The following HLF variants were observed in gnomAD, a reference collection of about 807,000 sequenced individuals.
The protein encoded by HLF is HLF transcription factor, PAR bZIP family member, also known as hepatic leukemia factor.
A neutral mutation model predicts 22.6 loss-of-function variants in HLF; 3 were observed. The ratio of observed to expected loss-of-function variants is 0.13; its 90% CI spans 0.06 to 0.34. The LOEUF (loss-of-function observed/expected upper bound fraction) is 0.34. HLF is among the 10% of genes least tolerant of loss of function. HLF has a pLI of 1.00. For missense variants in HLF, 299 were observed against 389.2 expected (o/e 0.77, Z 1.95); for synonymous variants, 151 against 151.8 (o/e 0.99, Z 0.04).
chr17:55,314,190 C>G (rs1904970593), intron 2 of HLF, among the ~76,000 whole-genome samples: 1 of 152,172 alleles, frequency 6.6e-6, no homozygotes, highest in African/African-American at 2.4e-5. Flanking sequence ...AGTTCACTTT[C>G]ACCAGTAAGA....
chr17:55,308,453 A>G (rs9891482), intron 2 of HLF, among the ~76,000 whole-genome samples: 15,048 of 152,194 alleles, frequency 0.099, 1,741 homozygotes, highest in African/African-American at 0.28. Context: ...ATCTCCTTTT[A>G]CACATAAGGG....
At chr17:55,295,138 G>T (rs2081100757) in intron 2 of HLF, among the ~76,000 whole-genome samples, 1 of 152,172 alleles carries the variant, frequency 6.6e-6, no homozygotes, top group Non-Finnish European at 1.5e-5. Flanking sequence ...GATAGCATCA[G>T]GTTGTATATG....
intron 2 of HLF, among the ~76,000 whole-genome samples, chr17:55,274,202 C>T (rs1451288102): frequency 6.6e-6 from 1 of 152,144 alleles, no homozygotes; most frequent in Non-Finnish European, 1.5e-5. Context: ...TTAGGTTTCT[C>T]AGAAACCTCT....
chr17:55,277,723 G>T (rs1018967260), intron 2 of HLF, among the ~76,000 whole-genome samples: 2 of 152,170 alleles, frequency 1.3e-5, no homozygotes, highest in Admixed American at 1.3e-4. Flanking sequence ...TCAGAAGGCT[G>T]AAAGAGTTGC....
intron 3 of HLF, among the ~76,000 whole-genome samples, chr17:55,315,758 C>G (rs1295877129): frequency 6.6e-6 from 1 of 152,190 alleles, no homozygotes; most frequent in East Asian, 1.9e-4. Flanking sequence ...TAAAATTAAA[C>G]CCCACATCTT....
chr17:55,290,284 A>G lies in HLF; in HGVS notation c.451+22198A>G, dbSNP rs564287061. The stretch of plus-strand genomic sequence containing the variant: ...GTACTTCGTTTTATCGGACTTCACC[A>G]TATTACACTTTGCCGATAGTGTGTT... On this transcript the variant is annotated intron_variant, in intron 2 of 3. Coordinates refer to ENST00000226067, the MANE Select transcript of HLF (RefSeq NM_002126.5). Among the ~76,000 whole-genome samples, 16 of 152,302 alleles carry G rather than the reference A, an allele frequency of 1.1e-4. No individual in the cohort carries two copies. In the South Asian group the frequency reaches 3.1e-3, roughly 30 times the overall value.
rs1407179950 is a variant in HLF, at chr17:55,323,013, G to A, written c.*2134G>A. ...GATTTTCTAGTTTCCTGCCTTCAGA[G>A]TATCTAATCCTTTAATGATCTGGTG... On this transcript the variant is annotated 3_prime_UTR_variant, in exon 4 of 4. Transcript: ENST00000226067. The A allele has an allele frequency of 4.5e-6, 1 of 221,352 alleles. No individual in the cohort carries two copies. Among genetic ancestry groups the A allele is most frequent in the Non-Finnish European group, 9.0e-6 (1 of 110,678 alleles). 13.7% of individuals were successfully genotyped at this position (221,352 alleles called of 1,614,324 possible).
chr17:55,280,491 A>G (rs2080943488), intron 2 of HLF, among the ~76,000 whole-genome samples: 1 of 152,150 alleles, frequency 6.6e-6, no homozygotes, highest in Admixed American at 6.5e-5. Context: ...TTCTGGTGCT[A>G]TGCCTGGAAG....
At chr17:55,305,435 T>C (rs1171242509) in intron 2 of HLF, among the ~76,000 whole-genome samples, 1 of 152,160 alleles carries the variant, frequency 6.6e-6, no homozygotes, top group Non-Finnish European at 1.5e-5. Flanking sequence ...TACCTACCTC[T>C]CTGGGGTTTG....
chr17:55,286,321 G>A (rs991992233), intron 2 of HLF, among the ~76,000 whole-genome samples: 1 of 150,868 alleles, frequency 6.6e-6, no homozygotes, highest in African/African-American at 2.4e-5. Flanking sequence ...CCTCTCGATA[G>A]TACCCCCCTT....
chr17:55,265,752 C>T, intron 1 of HLF, 153 bp downstream of exon 1: 2 of 1,192,812 alleles, frequency 1.7e-6, no homozygotes, highest in Non-Finnish European at 2.2e-6. Flanking sequence ...GGAGCTCACC[C>T]AGCACCCTTC....
chr17:55,307,760 G>A (rs1904648075), intron 2 of HLF, among the ~76,000 whole-genome samples: 1 of 151,354 alleles, frequency 6.6e-6, no homozygotes, highest in Non-Finnish European at 1.5e-5. Flanking sequence ...GGGCTTACAT[G>A]GGAGTGGAGG....
intron 2 of HLF, chr17:55,271,937 A>G (rs2080862802): frequency 6.6e-6 from 1 of 152,214 alleles, no homozygotes; most frequent in South Asian, 2.1e-4. Context: ...GAATGAATCA[A>G]ATATCTGAAG....
chr17:55,279,301 G>T (rs938048326), intron 2 of HLF, among the ~76,000 whole-genome samples: 7 of 152,276 alleles, frequency 4.6e-5, no homozygotes, highest in East Asian at 1.9e-4. Context: ...GTATAAAGAA[G>T]CAATTTAGGT....
At chr17:55,267,715 C>T in intron 1 of HLF, 36 bp from the exon 2 acceptor site, 1 of 1,403,476 alleles carries the variant, frequency 7.1e-7, no homozygotes, top group Non-Finnish European at 9.7e-7. Flanking sequence ...TCTTTTCTTT[C>T]TTTTTTTTTA....
rs1206427239 is a variant in HLF, at chr17:55,323,931, A to G, written c.*3052A>G. On this transcript the variant is annotated 3_prime_UTR_variant, in exon 4 of 4. Coordinates refer to ENST00000226067, the MANE Select transcript of HLF (RefSeq NM_002126.5). ...AGACATGATTTGGAAGGAACAGCTT[A>G]GGACCTCCTGATGAGGTCACATTGT... is the stretch of plus-strand genomic sequence containing the variant. 4.4e-6 allele frequency: 1 copy of G among 229,208 alleles called. No individual in the cohort carries two copies. The highest frequency in any genetic ancestry group is 8.6e-6 in the Non-Finnish European group (1 of 115,634). The allele number at this position is 229,208 out of a possible 1,614,324, so 14.2% of individuals were successfully genotyped here. A position where few individuals can be genotyped will look rare whatever the true frequency, so the allele number is the denominator to read the frequency against.
rs1905387083 is a variant in HLF, at chr17:55,324,579, G to A, written c.*3700G>A. On this transcript the variant is annotated 3_prime_UTR_variant, in exon 4 of 4. Transcript: ENST00000226067. ...AATTGGAGATCTGGATTTAGCACTG[G>A]GGTCTCAGCACCCTGCAGGTGTCTG... is the stretch of plus-strand genomic sequence containing the variant. 4.3e-6 allele frequency: 1 copy of A among 232,424 alleles called. No homozygotes were observed. The highest frequency in any genetic ancestry group is 8.5e-6 in the Non-Finnish European group (1 of 117,620). 14.4% of individuals were successfully genotyped at this position (232,424 alleles called of 1,614,324 possible). A position where few individuals can be genotyped will look rare whatever the true frequency, so the allele number is the denominator to read the frequency against.
intron 2 of HLF, among the ~76,000 whole-genome samples, chr17:55,298,405 A>G (rs948304728): frequency 2.0e-5 from 3 of 152,194 alleles, no homozygotes; most frequent in African/African-American, 7.2e-5. Context: ...TGATGACTTC[A>G]TATATATGGT....
chr17:55,281,481 C>T (rs751107962), intron 2 of HLF, among the ~76,000 whole-genome samples: 1 of 152,144 alleles, frequency 6.6e-6, no homozygotes, highest in Non-Finnish European at 1.5e-5. Context: ...CCATTGCGCT[C>T]CAGCCTGGGC....
Sources: allele counts gnomAD v4.1 joint callset (sites outside exome capture counted in the v4.1 genomes callset), GRCh38; gene constraint gnomAD v4.1.1; transcripts MANE v1.5; gene names NCBI Gene and HGNC (gene_info 2026-07-23, HGNC 2026-07-21).